Variants in FGF14 observed in about 807,000 individuals in gnomAD.
The protein encoded by FGF14 is fibroblast growth factor 14, also known as fibroblast growth factor homologous factor 4.
FGF14 carries 5 observed loss-of-function variants against 25.5 expected under a neutral mutation model. The observed-to-expected ratio is 0.20, with a 90% CI of 0.10 to 0.41. The LOEUF is 0.41. Ranked by LOEUF, FGF14 falls within the 10% of genes least tolerant of loss-of-function variation. The pLI, the probability that FGF14 is intolerant of heterozygous loss-of-function variation, is 1.00. For synonymous variants in FGF14, 138 were observed against 118.3 expected (o/e 1.17, Z -1.08); for missense variants, 222 against 320.1 (o/e 0.69, Z 2.34).
At chr13:102,039,037 C>G (rs2041607688) in intron 1 of FGF14, among the ~76,000 whole-genome samples, 1 of 152,068 alleles carries the variant, frequency 6.6e-6, no homozygotes, top group Non-Finnish European at 1.5e-5. Flanking sequence ...GTTCTGTTAT[C>G]CTCATTATGT....
intron 1 of FGF14, among the ~76,000 whole-genome samples, chr13:101,888,817 G>C (rs757642886): frequency 2.0e-5 from 3 of 150,072 alleles, no homozygotes; most frequent in Non-Finnish European, 1.5e-5. Context: ...CTTCTTACTT[G>C]TGTCTAATGG....
At chr13:101,780,464 G>A (rs1237090026) in intron 3 of FGF14, among the ~76,000 whole-genome samples, 1 of 152,114 alleles carries the variant, frequency 6.6e-6, no homozygotes, top group Non-Finnish European at 1.5e-5. Flanking sequence ...CTATGCCAAT[G>A]TCAATCTAAA....
chr13:102,110,469 T>C (rs1247322581), intron 1 of FGF14, among the ~76,000 whole-genome samples: 2 of 152,194 alleles, frequency 1.3e-5, no homozygotes, highest in African/African-American at 2.4e-5. Flanking sequence ...AACTTGTTTT[T>C]GTAAGGAACG....
intron 1 of FGF14, among the ~76,000 whole-genome samples, chr13:101,891,763 C>T: frequency 6.6e-6 from 1 of 151,718 alleles, no homozygotes; most frequent in Middle Eastern, 3.4e-3. Flanking sequence ...GAAACTTAAC[C>T]CAATCAGAAA....
intron 3 of FGF14, among the ~76,000 whole-genome samples, chr13:101,812,591 AT>A (rs1465099936): frequency 3.6e-5 from 4 of 112,254 alleles, no homozygotes; most frequent in East Asian, 2.3e-4. Flanking sequence ...ATATATCACT[AT>A]TTTTTTATAT....
At chr13:102,268,278 A>G (rs1446619802) in intron 1 of FGF14, among the ~76,000 whole-genome samples, 1 of 152,190 alleles carries the variant, frequency 6.6e-6, no homozygotes, top group South Asian at 2.1e-4. Flanking sequence ...ATAGTTCATA[A>G]TAATCCACAC....
At chr13:102,159,870 T>C (rs2047540877) in intron 1 of FGF14, among the ~76,000 whole-genome samples, 1 of 152,222 alleles carries the variant, frequency 6.6e-6, no homozygotes, top group African/African-American at 2.4e-5. Flanking sequence ...GTAACCAGTG[T>C]ATTTAAGTAT....
At chr13:102,299,221 G>A (rs1334335455) in intron 1 of FGF14, among the ~76,000 whole-genome samples, 2 of 152,084 alleles carry the variant, frequency 1.3e-5, no homozygotes, top group Non-Finnish European at 2.9e-5. Flanking sequence ...GCTGTTCACC[G>A]AAAACGAAAA....
chr13:102,116,522 T>C (rs996220022), intron 1 of FGF14, among the ~76,000 whole-genome samples: 11 of 152,166 alleles, frequency 7.2e-5, no homozygotes, highest in Admixed American at 7.2e-4. Context: ...TGTCACAACA[T>C]AGATGGGTCT....
chr13:102,253,431 CT>C (rs1324450667), intron 1 of FGF14, among the ~76,000 whole-genome samples: 1 of 152,166 alleles, frequency 6.6e-6, no homozygotes, highest in African/African-American at 2.4e-5. Flanking sequence ...TGATGATGAG[CT>C]TTTTTTCATA....
chr13:101,764,325 A>T (rs1487788885), intron 3 of FGF14, among the ~76,000 whole-genome samples: 1 of 152,152 alleles, frequency 6.6e-6, no homozygotes, highest in Non-Finnish European at 1.5e-5. Context: ...TACCCCACAG[A>T]ATTGTGAGGA....
At chr13:102,024,487 CTG>C (rs1281952852) in intron 1 of FGF14, among the ~76,000 whole-genome samples, 1 of 103,816 alleles carries the variant, frequency 9.6e-6, no homozygotes, top group Non-Finnish European at 1.7e-5. Context: ...TTAATGTGGT[CTG>C]TGTTTTTACA....
intron 1 of FGF14, among the ~76,000 whole-genome samples, chr13:102,069,429 G>A (rs1017355635): frequency 1.3e-5 from 2 of 152,142 alleles, no homozygotes; most frequent in African/African-American, 2.4e-5. Context: ...TTGGCAACCC[G>A]CTCGGGTCCC....
intron 1 of FGF14, among the ~76,000 whole-genome samples, chr13:102,318,258 G>A (rs2056109756): frequency 2.0e-5 from 3 of 152,194 alleles, no homozygotes; most frequent in Admixed American, 1.3e-4. Flanking sequence ...CACATAGGGA[G>A]TGCCCTGGGT....
intron 1 of FGF14, among the ~76,000 whole-genome samples, chr13:102,134,981 C>G (rs1159380623): frequency 6.7e-6 from 1 of 150,162 alleles, no homozygotes; most frequent in Non-Finnish European, 1.5e-5. Context: ...TCTAGGAGTT[C>G]AAGACCAGTC....
intron 1 of FGF14, among the ~76,000 whole-genome samples, chr13:102,365,730 A>C (rs1181565912): frequency 2.0e-5 from 3 of 151,954 alleles, no homozygotes; most frequent in Admixed American, 2.0e-4. Context: ...CAACCTGTTT[A>C]TGTATATATG....
At chr13:101,826,687 G>A (rs2042407363) in intron 3 of FGF14, among the ~76,000 whole-genome samples, 2 of 151,978 alleles carry the variant, frequency 1.3e-5, no homozygotes, top group Admixed American at 6.6e-5. Context: ...TTTGATGCCA[G>A]ATAAATGAGC....
Position 102,287,227 on chromosome 13 carries a change from C to T in FGF14, c.208+114244G>A, listed in dbSNP as rs1314218334. ...AGTAACTCAAGGCTACAGTCCCTGG[C>T]TTTGATTTTGCTTTGACCGTTCTGT... is the stretch of plus-strand genomic sequence containing the variant. On this transcript the variant is annotated intron_variant, in intron 1 of 4. Transcript: ENST00000376131. 5.3e-5 allele frequency among the ~76,000 whole-genome samples: 8 copies of T among 152,302 alleles called. No individual in the cohort carries two copies. In the East Asian group the frequency reaches 1.5e-3, roughly 29 times the overall value.
intron 1 of FGF14, among the ~76,000 whole-genome samples, chr13:101,922,407 G>A (rs961634735): frequency 6.6e-6 from 1 of 152,134 alleles, no homozygotes; most frequent in African/African-American, 2.4e-5. Flanking sequence ...GGGGCTTACT[G>A]AAGGATGTGA....
Sources: gnomAD v4.1 joint callset for allele counts (sites outside exome capture counted in the v4.1 genomes callset) on GRCh38, gnomAD v4.1.1 for gene constraint, MANE v1.5 for transcripts, NCBI Gene and HGNC (gene_info 2026-07-23, HGNC 2026-07-21) for gene names.